Variants in ZNRF3 observed in about 807,000 individuals in gnomAD.
ZNRF3 encodes zinc and ring finger 3.
In ZNRF3, 23 loss-of-function variants were observed where a neutral mutation model predicts 72.5. That is an observed-to-expected ratio of 0.32 (90% CI 0.23 to 0.45). ZNRF3 has a LOEUF of 0.45. Among genes scored for constraint, ZNRF3 ranks in the 20% least tolerant of loss-of-function variants. ZNRF3 has a pLI of 1.00. For missense variants in ZNRF3, 1,169 were observed against 1,272.1 expected (o/e 0.92, Z 1.23); for synonymous variants, 610 against 545.3 (o/e 1.12, Z -1.65).
At chr22:28,968,688 G>A (rs932758403) in intron 1 of ZNRF3, among the ~76,000 whole-genome samples, 12 of 152,180 alleles carry the variant, frequency 7.9e-5, no homozygotes, top group Non-Finnish European at 1.6e-4. Context: ...CAGCCTGGGC[G>A]ATAAGAGTGA....
intron 2 of ZNRF3, among the ~76,000 whole-genome samples, chr22:29,010,155 C>T (rs971414779): frequency 2.0e-5 from 3 of 152,124 alleles, no homozygotes; most frequent in African/African-American, 4.8e-5. Flanking sequence ...GTGATCCACC[C>T]GCCTCGGCCG....
chr22:28,937,198 TA>T (rs1569252599), intron 1 of ZNRF3, among the ~76,000 whole-genome samples: 22 of 2,920 alleles, frequency 7.5e-3, no homozygotes, highest in African/African-American at 0.011. Context: ...TATATATATA[TA>T]TATATATATA....
At position 29,049,924 on chromosome 22, in the gene ZNRF3, G is replaced by T; in HGVS notation, c.1743G>T (p.Gly581=). ...AGGTCAGCAACCAGGGCGTGTACGG[G>T]AGCTGCTCCACCTTCCGCAGCTCCC... The part of the protein sequence containing the change: ...CTEVSNQGVY[G]SCSTFRSSLS... Residue 581 remains glycine (G), a synonymous_variant, in exon 8 of 9, where the codon GGG becomes GGT. Transcript: ENST00000544604. This position sits in a 1 kb window ranked among gnomAD's most constrained non-coding sequence, Gnocchi z 5.2. 3 of 1,608,250 alleles carry T rather than the reference G, an allele frequency of 1.9e-6. No homozygotes were observed. Among genetic ancestry groups the T allele is most frequent in the Non-Finnish European group, 2.5e-6 (3 of 1,177,598 alleles).
At chr22:28,904,574 C>A (rs1274054629) in intron 1 of ZNRF3, among the ~76,000 whole-genome samples, 1 of 152,142 alleles carries the variant, frequency 6.6e-6, no homozygotes, top group Non-Finnish European at 1.5e-5. Context: ...AGCTTTAGAT[C>A]ATTTCAGTGT....
intron 1 of ZNRF3, among the ~76,000 whole-genome samples, chr22:28,985,500 A>T (rs934938662): frequency 5.9e-5 from 9 of 151,956 alleles, no homozygotes; most frequent in African/African-American, 2.2e-4. Context: ...CCTGCACCAA[A>T]CTCATGTTAC....
intron 2 of ZNRF3, chr22:29,017,970 A>G (rs529885799): frequency 1.4e-4 from 72 of 518,972 alleles, no homozygotes; most frequent in South Asian, 9.5e-4. Context: ...TTGAGGTAAC[A>G]TGAATAACCT....
At chr22:29,016,867 C>G (rs1476375586) in intron 2 of ZNRF3, among the ~76,000 whole-genome samples, 1 of 152,168 alleles carries the variant, frequency 6.6e-6, no homozygotes, top group Non-Finnish European at 1.5e-5. Flanking sequence ...CTAAAGCCAC[C>G]TCTGCAATGT....
chr22:28,915,168 A>G (rs181584783), intron 1 of ZNRF3, among the ~76,000 whole-genome samples: 120 of 152,330 alleles, frequency 7.9e-4, no homozygotes, highest in African/African-American at 2.6e-3. Flanking sequence ...TAAATGACAG[A>G]CATATTTACT....
At chr22:29,020,162 A>G (rs1379803809) in intron 2 of ZNRF3, among the ~76,000 whole-genome samples, 3 of 151,090 alleles carry the variant, frequency 2.0e-5, no homozygotes, top group Non-Finnish European at 4.4e-5. Flanking sequence ...TGTAAGTACT[A>G]TGTATTAATA....
chr22:28,909,641 C>T (rs940668077), intron 1 of ZNRF3, among the ~76,000 whole-genome samples: 6 of 151,806 alleles, frequency 4.0e-5, no homozygotes, highest in South Asian at 2.1e-4. Flanking sequence ...AGTGCGGGGG[C>T]GTGATCTCAG....
rs192864024 is a variant in ZNRF3 at position 28,986,506 on chromosome 22, A to G, written c.301-570A>G. 55 of 621,132 alleles carry G rather than the reference A, an allele frequency of 8.9e-5. No individual in the cohort carries two copies. In the African/African-American group the frequency reaches 1.1e-3, roughly 12 times the overall value. The allele number at this position is 621,132 out of a possible 1,614,324, so 38.5% of individuals were successfully genotyped here. A position where few individuals can be genotyped will look rare whatever the true frequency, so the allele number is the denominator to read the frequency against. ...CCCATCTTTGATTTTGTGCTTTGCA[A>G]ATTTTGAAAAGACCTCAAAGAATTT... On this transcript the variant is annotated intron_variant, in intron 1 of 8. Transcript: ENST00000544604.
intron 1 of ZNRF3, among the ~76,000 whole-genome samples, chr22:28,958,616 C>A (rs1424511546): frequency 6.6e-6 from 1 of 152,048 alleles, no homozygotes; most frequent in Non-Finnish European, 1.5e-5. Flanking sequence ...TTGTAAAGAC[C>A]GAACACTGGA....
At chr22:28,971,637 GA>G (rs2035577532) in intron 1 of ZNRF3, among the ~76,000 whole-genome samples, 1 of 152,180 alleles carries the variant, frequency 6.6e-6, no homozygotes, top group Non-Finnish European at 1.5e-5. Flanking sequence ...TACAGATGAG[GA>G]AACAACCTTG....
At chr22:29,007,751 C>T (rs9608718) in intron 2 of ZNRF3, among the ~76,000 whole-genome samples, 9,350 of 52,166 alleles carry the variant, frequency 0.18, 713 homozygotes, top group African/African-American at 0.23. Flanking sequence ...TCCATTTCTT[C>T]CTTTTTTTTT....
chr22:29,011,293 C>T (rs1034798662), intron 2 of ZNRF3, among the ~76,000 whole-genome samples: 1 of 152,110 alleles, frequency 6.6e-6, no homozygotes, highest in African/African-American at 2.4e-5. Flanking sequence ...AGGCTGGCTG[C>T]GGGGGTCCAG....
At chr22:29,042,406 G>A in intron 2 of ZNRF3, 89 bp from the exon 3 acceptor site, 3 of 1,046,100 alleles carry the variant, frequency 2.9e-6, no homozygotes, top group Non-Finnish European at 4.4e-6. Flanking sequence ...GTCAGATTCT[G>A]CATTTGATTA....
At chr22:28,997,988 T>TAAAAAAAAAAA (rs557887667) in intron 2 of ZNRF3, among the ~76,000 whole-genome samples, 1 of 115,336 alleles carries the variant, frequency 8.7e-6, no homozygotes, top group Admixed American at 9.6e-5. Flanking sequence ...CCTGGCTCTT[T>TAAAAAAAAAAA]AAAAAAAAAA....
At chr22:28,998,871 C>G (rs1160768322) in intron 2 of ZNRF3, among the ~76,000 whole-genome samples, 1 of 152,134 alleles carries the variant, frequency 6.6e-6, no homozygotes, top group Non-Finnish European at 1.5e-5. Context: ...CGGCTGGCCA[C>G]CTCCCAGGAC....
chr22:29,030,624 G>A lies in ZNRF3; in HGVS notation c.427-11871G>A, dbSNP rs1207548997. On this transcript the variant is annotated intron_variant, in intron 2 of 8. Transcript: ENST00000544604. The surrounding 1 kb of genome is among the most constrained non-coding windows in gnomAD (Gnocchi z 4.2). ...TCTCCCGGTGGGGAGGGGCGCGGCC[G>A]GTGGCGAGGAGGGCACTTTCCCGGG... Among the ~76,000 whole-genome samples the A allele has an allele frequency of 1.3e-5, 2 of 151,986 alleles. No homozygotes were observed. The highest frequency in any genetic ancestry group is 1.9e-4 in the East Asian group (1 of 5,172).
Sources: allele counts gnomAD v4.1 joint callset (sites outside exome capture counted in the v4.1 genomes callset), GRCh38; gene constraint gnomAD v4.1.1; non-coding constraint Gnocchi (gnomAD v3.1); transcripts MANE v1.5; gene names NCBI Gene and HGNC (gene_info 2026-07-23, HGNC 2026-07-21).